The following CSMD3 variants were observed in gnomAD, a reference collection of about 807,000 sequenced individuals.
CSMD3 encodes the protein CUB and Sushi multiple domains 3.
A neutral mutation model predicts 435.2 loss-of-function variants in CSMD3; 177 were observed. The observed-to-expected ratio is 0.41, with a 90% CI of 0.36 to 0.46. The LOEUF (loss-of-function observed/expected upper bound fraction) is 0.46. Among genes scored for constraint, CSMD3 ranks in the 20% least tolerant of loss-of-function variants. The pLI is 0.34. For missense variants in CSMD3, 4,265 were observed against 4,504.6 expected (o/e 0.95, Z 1.52); for synonymous variants, 1,656 against 1,520.5 (o/e 1.09, Z -2.07).
chr8:112,578,366 A>T (rs1830100851), intron 23 of CSMD3, among the ~76,000 whole-genome samples: 1 of 152,008 alleles, frequency 6.6e-6, no homozygotes, highest in Admixed American at 6.6e-5. Context: ...TTCCAACTCT[A>T]CATTAAAGTT....
chr8:113,188,049 T>G (rs994557944), intron 3 of CSMD3, among the ~76,000 whole-genome samples: 1 of 152,024 alleles, frequency 6.6e-6, no homozygotes, highest in South Asian at 2.1e-4. Flanking sequence ...TCTAAACCAA[T>G]TCCCACCTTC....
intron 3 of CSMD3, among the ~76,000 whole-genome samples, chr8:113,205,682 A>T (rs75530710): frequency 6.6e-6 from 1 of 152,192 alleles, no homozygotes; most frequent in Admixed American, 6.5e-5. Flanking sequence ...TCTAGTGACT[A>T]TAATTGTAAT....
chr8:112,574,963 A>T (rs1829826379), intron 23 of CSMD3, among the ~76,000 whole-genome samples: 1 of 151,918 alleles, frequency 6.6e-6, no homozygotes, highest in Non-Finnish European at 1.5e-5. Flanking sequence ...CATTGATGTC[A>T]CCTAAGAGAT....
At chr8:112,966,555 A>G (rs2084423128) in intron 7 of CSMD3, among the ~76,000 whole-genome samples, 1 of 151,410 alleles carries the variant, frequency 6.6e-6, no homozygotes, top group South Asian at 2.1e-4. Flanking sequence ...TGGTAAGTAA[A>G]GGGAAACTAA....
chr8:112,417,572 T>C (rs1180013022), intron 32 of CSMD3, among the ~76,000 whole-genome samples: 2 of 152,164 alleles, frequency 1.3e-5, no homozygotes, highest in African/African-American at 4.8e-5. Context: ...CATCAGTATT[T>C]AGTAAAAAAG....
chr8:112,324,775 AT>A (rs1489370602), intron 45 of CSMD3, among the ~76,000 whole-genome samples: 1 of 152,080 alleles, frequency 6.6e-6, no homozygotes, highest in Non-Finnish European at 1.5e-5. Context: ...ATGTGGTCAG[AT>A]TTATCCTTTA....
intron 26 of CSMD3, among the ~76,000 whole-genome samples, chr8:112,552,370 C>T (rs1347413209): frequency 6.6e-6 from 1 of 151,910 alleles, no homozygotes; most frequent in African/African-American, 2.4e-5. Flanking sequence ...CCTGTATTCC[C>T]ACCTACTGGG....
At chr8:112,343,001 T>TTTATATATATATATATTTA (rs72258524) in intron 41 of CSMD3, among the ~76,000 whole-genome samples, 1 of 109,676 alleles carries the variant, frequency 9.1e-6, no homozygotes, top group Admixed American at 9.8e-5. Context: ...ATATATATAT[T>TTTATATATATATATATTTA]TATATATATA....
At chr8:112,857,150 G>A (rs1364321481) in intron 11 of CSMD3, among the ~76,000 whole-genome samples, 2 of 151,540 alleles carry the variant, frequency 1.3e-5, no homozygotes, top group East Asian at 3.9e-4. Flanking sequence ...AATCCTTATT[G>A]TGGCTCATGA....
chr8:113,062,761 CTCTT>C (rs1261604184), intron 5 of CSMD3, among the ~76,000 whole-genome samples: 6 of 151,698 alleles, frequency 4.0e-5, no homozygotes, highest in Non-Finnish European at 7.4e-5. Flanking sequence ...TTTGTATTGT[CTCTT>C]TCTAAGCTGC....
chr8:112,804,927 T>A (rs1587348182), intron 12 of CSMD3, among the ~76,000 whole-genome samples: 1 of 152,126 alleles, frequency 6.6e-6, no homozygotes, highest in Non-Finnish European at 1.5e-5. Flanking sequence ...CCTCCCAAAG[T>A]GCTGGGATTC....
At chr8:112,883,365 T>C (rs766112140) in intron 10 of CSMD3, among the ~76,000 whole-genome samples, 1 of 152,028 alleles carries the variant, frequency 6.6e-6, no homozygotes, top group Non-Finnish European at 1.5e-5. Context: ...AAGTAGGTTA[T>C]TATTTCAATG....
chr8:112,466,260 A>G (rs1023533582), intron 32 of CSMD3, among the ~76,000 whole-genome samples: 4 of 152,206 alleles, frequency 2.6e-5, no homozygotes, highest in African/African-American at 9.6e-5. Flanking sequence ...TAAAATGCCA[A>G]TAAAATGGTT....
intron 32 of CSMD3, among the ~76,000 whole-genome samples, chr8:112,439,580 G>A (rs892184962): frequency 6.6e-6 from 1 of 152,054 alleles, no homozygotes; most frequent in African/African-American, 2.4e-5. Flanking sequence ...TTCTCACACT[G>A]TTATAAAGAA....
rs781451964 is a variant in CSMD3 at position 112,408,916 on chromosome 8, T to C, written c.5509+3A>G. On this transcript the variant is annotated splice_donor_region_variant and intron_variant, in intron 33 of 70. Coordinates refer to ENST00000297405, the MANE Select transcript of CSMD3 (RefSeq NM_198123.2). ...GATGCATGGCAGTTCTATTAAAGGA[T>C]ACCTGAATGGGATCCTGAGAGGGAA... is the stretch of plus-strand genomic sequence containing the variant. 1.2e-6 allele frequency: 2 copies of C among 1,613,460 alleles called. No homozygotes were observed. Among genetic ancestry groups the C allele is most frequent in the South Asian group, 2.2e-5 (2 of 91,078 alleles).
intron 32 of CSMD3, among the ~76,000 whole-genome samples, chr8:112,430,164 C>T (rs1253992776): frequency 3.3e-5 from 5 of 151,978 alleles, no homozygotes; most frequent in Non-Finnish European, 7.4e-5. Flanking sequence ...CGTCTACAAC[C>T]AGTTTTCTAA....
intron 32 of CSMD3, among the ~76,000 whole-genome samples, chr8:112,450,628 C>G (rs1816153079): frequency 6.6e-6 from 1 of 152,136 alleles, no homozygotes; most frequent in Admixed American, 6.5e-5. Flanking sequence ...GTGAGTTTAT[C>G]CAGGTATGAG....
chr8:112,610,838 C>G (rs921534677), intron 22 of CSMD3, among the ~76,000 whole-genome samples: 7 of 152,106 alleles, frequency 4.6e-5, no homozygotes, highest in Non-Finnish European at 7.3e-5. Flanking sequence ...TGGGAGTATA[C>G]TGAGCCTGCA....
chr8:112,227,230 C>A (rs916748269), intron 70 of CSMD3, among the ~76,000 whole-genome samples: 2 of 152,054 alleles, frequency 1.3e-5, no homozygotes, highest in Non-Finnish European at 2.9e-5. Context: ...ATTATTTAGC[C>A]ATATAAGAGA....
Sources: allele counts gnomAD v4.1 joint callset (sites outside exome capture counted in the v4.1 genomes callset), GRCh38; gene constraint gnomAD v4.1.1; transcripts MANE v1.5; gene names NCBI Gene and HGNC (gene_info 2026-07-23, HGNC 2026-07-21).